GDAP1: variants seen among roughly 807,000 people sequenced by gnomAD.
The protein encoded by GDAP1 is ganglioside-induced differentiation-associated protein 1.
GDAP1 carries 34 observed loss-of-function variants against 40.1 expected under a neutral mutation model. The observed-to-expected ratio is 0.85, with a 90% CI of 0.64 to 1.13. The LOEUF is 1.13. Among genes scored for constraint, GDAP1 ranks in the 50% most tolerant of loss-of-function variants. The pLI, the probability that GDAP1 is intolerant of heterozygous loss-of-function variation, is 0.00. For missense variants in GDAP1, 374 were observed against 433.7 expected, an observed-to-expected ratio of 0.86 and a Z score of 1.22; for synonymous variants, 170 against 157.4, an observed-to-expected ratio of 1.08 and a Z score of -0.60.
At chr8:74,378,149 G>A (rs1364189459) in intron 2 of GDAP1, among the ~76,000 whole-genome samples, 1 of 152,178 alleles carries the variant, frequency 6.6e-6, no homozygotes, top group Non-Finnish European at 1.5e-5. Context: ...AATCTCATGT[G>A]ATTATGTGAA....
chr8:74,460,780 A>G (rs1563475452), intron 2 of GDAP1, among the ~76,000 whole-genome samples: 2 of 152,166 alleles, frequency 1.3e-5, no homozygotes, highest in African/African-American at 4.8e-5. Flanking sequence ...GGGGACATGA[A>G]TATACAGAGA....
At chr8:74,388,938 C>T (rs1810066452) in intron 2 of GDAP1, among the ~76,000 whole-genome samples, 1 of 152,104 alleles carries the variant, frequency 6.6e-6, no homozygotes, top group Non-Finnish European at 1.5e-5. Context: ...ATGTAATGCC[C>T]TTCTTTGTCT....
At chr8:74,356,659 A>AGTGTGTGT (rs144717682) in intron 2 of GDAP1, among the ~76,000 whole-genome samples, 11,816 of 122,526 alleles carry the variant, frequency 0.096, 600 homozygotes, top group East Asian at 0.14. Context: ...AATATTATTT[A>AGTGTGTGT]GTGTGTGTGT....
chr8:74,483,583 A>G (rs189187483), intron 2 of GDAP1, among the ~76,000 whole-genome samples: 71 of 152,278 alleles, frequency 4.7e-4, no homozygotes, highest in African/African-American at 1.7e-3. Context: ...AGGGTTATAT[A>G]CATTTAAAGC....
At chr8:74,371,436 G>A (rs769131901), downstream of GDAP1, among the ~76,000 whole-genome samples, 8 of 152,084 alleles carry the variant, frequency 5.3e-5, no homozygotes, top group Non-Finnish European at 8.8e-5. Flanking sequence ...CGAGGCGGGC[G>A]GATCACGAGG....
At chr8:74,399,044 C>G in intron 2 of GDAP1, among the ~76,000 whole-genome samples, 1 of 151,988 alleles carries the variant, frequency 6.6e-6, no homozygotes, top group African/African-American at 2.4e-5. Flanking sequence ...GCTTTGGTGT[C>G]AGGATGATAC....
chr8:74,438,792 A>C (rs1445717544), intron 2 of GDAP1, among the ~76,000 whole-genome samples: 1 of 152,176 alleles, frequency 6.6e-6, no homozygotes, highest in African/African-American at 2.4e-5. Context: ...GTAGAGATGG[A>C]GATCTTGCTA....
Position 74,481,809 on chromosome 8 carries a change from A to G in GDAP1, c.166-6869A>G, listed in dbSNP as rs79917685. ...AGTGCACAATAAGGAGAAGGGGGCT[A>G]AAAAGCTTGAAAACTGCTGGGAAAA... On this transcript the variant is annotated intron_variant, in intron 2 of 2. Coordinates refer to the GDAP1 transcript ENST00000523640. 6.3e-3 allele frequency among the ~76,000 whole-genome samples: 962 copies of G among 152,302 alleles called. 6 individuals carry two copies. The highest frequency in any genetic ancestry group is 0.022 in the African/African-American group (918 of 41,550).
At chr8:74,467,767 G>A (rs1321122269) in intron 2 of GDAP1, among the ~76,000 whole-genome samples, 1 of 152,136 alleles carries the variant, frequency 6.6e-6, no homozygotes, top group Non-Finnish European at 1.5e-5. Context: ...AGAACCCGGG[G>A]GCTGGACTGA....
intron 2 of GDAP1, among the ~76,000 whole-genome samples, chr8:74,393,960 T>G (rs1019006775): frequency 2.2e-4 from 33 of 152,216 alleles, no homozygotes; most frequent in Non-Finnish European, 1.0e-4. Context: ...TCTTACATAA[T>G]TCTGCTTATA....
intron 2 of GDAP1, among the ~76,000 whole-genome samples, chr8:74,481,173 TG>T (rs1258410326): frequency 6.6e-6 from 1 of 152,202 alleles, no homozygotes; most frequent in Non-Finnish European, 1.5e-5. Flanking sequence ...TCAGAATGCC[TG>T]GGATTGGGTT....
At chr8:74,377,642 A>G (rs1043130617) in intron 2 of GDAP1, among the ~76,000 whole-genome samples, 4 of 152,256 alleles carry the variant, frequency 2.6e-5, no homozygotes, top group Non-Finnish European at 4.4e-5. Flanking sequence ...TGACAAGGAT[A>G]TAGAGTAACT....
intron 2 of GDAP1, among the ~76,000 whole-genome samples, chr8:74,474,978 T>G (rs1806607320): frequency 6.6e-6 from 1 of 152,046 alleles, no homozygotes; most frequent in African/African-American, 2.4e-5. Context: ...TCATTGTTGG[T>G]CTGTTCAGTC....
chr8:74,404,145 G>A (rs1805605001), intron 2 of GDAP1, among the ~76,000 whole-genome samples: 1 of 149,664 alleles, frequency 6.7e-6, no homozygotes, highest in Admixed American at 6.6e-5. Context: ...AGTGATACCT[G>A]CATACTCTCA....
Position 74,365,603 on chromosome 8 carries a change from C to T in GDAP1, c.*1236C>T, listed in dbSNP as rs971564141. The stretch of plus-strand genomic sequence containing the variant: ...GGGTAGCAGGCATAGAGATGATGTG[C>T]CGAGGTCCCAGTGAACAACAGTAGC... On this transcript the variant is annotated 3_prime_UTR_variant, in exon 6 of 6. Coordinates refer to ENST00000220822, the MANE Select transcript of GDAP1 (RefSeq NM_018972.4). 1.1e-5 allele frequency: 5 copies of T among 454,058 alleles called. No homozygotes were observed. The highest frequency in any genetic ancestry group is 6.0e-5 in the African/African-American group (3 of 49,880). 28.1% of individuals were successfully genotyped at this position (454,058 alleles called of 1,614,324 possible).
At chr8:74,419,540 A>G (rs1217196994) in intron 2 of GDAP1, among the ~76,000 whole-genome samples, 1 of 152,074 alleles carries the variant, frequency 6.6e-6, no homozygotes, top group Non-Finnish European at 1.5e-5. Flanking sequence ...CTTGTCATTG[A>G]GTTGTAAGAG....
chr8:74,416,488 CG>C lies in GDAP1; in HGVS notation c.165+65170del, dbSNP rs1432468562. On this transcript the variant is annotated intron_variant, in intron 2 of 2. Transcript: ENST00000523640. ...AGCTATCATCATTGCCTGCAGCACC[CG>C]GGCTAACCAGGAGGTCCTGAGTCTG... Among the ~76,000 whole-genome samples, 2 of 150,262 alleles carry C rather than the reference CG, an allele frequency of 1.3e-5. 1 individual carries two copies. The highest frequency in any genetic ancestry group is 5.1e-5 in the African/African-American group (2 of 39,538).
intron 2 of GDAP1, among the ~76,000 whole-genome samples, chr8:74,352,842 CA>C (rs1586796742): frequency 6.6e-6 from 1 of 151,876 alleles, no homozygotes; most frequent in Non-Finnish European, 1.5e-5. Context: ...TATAATGGAA[CA>C]AAACAAAATA....
intron 2 of GDAP1, among the ~76,000 whole-genome samples, chr8:74,480,305 A>T (rs1285650538): frequency 6.6e-6 from 1 of 152,046 alleles, no homozygotes; most frequent in Non-Finnish European, 1.5e-5. Context: ...ATCTTGATGG[A>T]TGGAACTGCA....
Sources: gnomAD v4.1 joint callset for allele counts (sites outside exome capture counted in the v4.1 genomes callset) on GRCh38, gnomAD v4.1.1 for gene constraint, MANE v1.5 for transcripts, NCBI Gene and HGNC (gene_info 2026-07-23, HGNC 2026-07-21) for gene names.